Variants in CLASP1 observed in about 807,000 individuals in gnomAD.
The protein encoded by CLASP1 is cytoplasmic linker associated protein 1.
In CLASP1, 38 loss-of-function variants were observed where a neutral mutation model predicts 192.3. That is an observed-to-expected ratio of 0.20 (90% CI 0.15 to 0.26). The LOEUF (loss-of-function observed/expected upper bound fraction) is 0.26. Ranked by LOEUF, CLASP1 falls within the 10% of genes least tolerant of loss-of-function variation. CLASP1 has a pLI of 1.00. For synonymous variants in CLASP1, 691 were observed against 712.8 expected (o/e 0.97, Z 0.49); for missense variants, 1,433 against 1,932.5 (o/e 0.74, Z 4.85).
chr2:121,563,681 T>C (rs1451606208), intron 2 of CLASP1, among the ~76,000 whole-genome samples: 2 of 152,190 alleles, frequency 1.3e-5, no homozygotes, highest in Non-Finnish European at 2.9e-5. Context: ...TCTGGGGAAA[T>C]TAGCTTCTTT....
chr2:121,390,532 C>T (rs1163837389), intron 30 of CLASP1, among the ~76,000 whole-genome samples: 1 of 152,236 alleles, frequency 6.6e-6, no homozygotes, highest in Non-Finnish European at 1.5e-5. Context: ...TCACATCTCA[C>T]TGCTACCATT....
In CLASP1 at chr2:121,469,252, C is replaced by T. The variant is rs546612190; in HGVS notation, c.865+556G>A. ...ACTTCATGCTGCCACCCAACAGACACACCAACAGCTGCCACCTCACCATGG... is the reference window on the plus strand; with the variant it reads ...ACTTCATGCTGCCACCCAACAGACATACCAACAGCTGCCACCTCACCATGG... On this transcript the variant is annotated intron_variant, in intron 9 of 39. Coordinates refer to ENST00000263710, the Ensembl canonical transcript of CLASP1. Among the ~76,000 whole-genome samples the T allele has an allele frequency of 1.0e-3, 158 of 152,298 alleles. 4 individuals carry two copies. The South Asian group carries it at 0.03, about 29-fold the overall frequency.
At chr2:121,523,207 CT>C (rs2094496686) in intron 6 of CLASP1, among the ~76,000 whole-genome samples, 6 of 152,222 alleles carry the variant, frequency 3.9e-5, no homozygotes, top group Admixed American at 3.9e-4. Flanking sequence ...CATACTCTGC[CT>C]TTTGGCAACT....
At chr2:121,487,893 T>G (rs183580257) in intron 8 of CLASP1, among the ~76,000 whole-genome samples, 1 of 152,372 alleles carries the variant, frequency 6.6e-6, no homozygotes, top group Non-Finnish European at 1.5e-5. Flanking sequence ...TTTTATACTT[T>G]GGGTTAAAAC....
rs1336455060 is a variant in CLASP1, at chr2:121,541,853, GGCAC to G, written c.196-11532_196-11529del. Among the ~76,000 whole-genome samples, 3 of 152,278 alleles carry G rather than the reference GGCAC, an allele frequency of 2.0e-5. No homozygotes were observed. The East Asian group carries it at 5.8e-4, about 29-fold the overall frequency. On this transcript the variant is annotated intron_variant, in intron 2 of 39. Coordinates refer to ENST00000263710, the Ensembl canonical transcript of CLASP1. ...TTAACAAAATGCTCGGAATGTCACA[GGCAC>G]CCAGTAAGTACTATTTCCCTTCTTT... is the stretch of plus-strand genomic sequence containing the variant.
intron 39 of CLASP1, among the ~76,000 whole-genome samples, chr2:121,343,213 G>C (rs2063002911): frequency 6.6e-6 from 1 of 152,188 alleles, no homozygotes; most frequent in Admixed American, 6.5e-5. Flanking sequence ...AAATAAATTA[G>C]AAAAGTGAAA....
intron 34 of CLASP1, among the ~76,000 whole-genome samples, chr2:121,368,047 G>A (rs72967311): frequency 1.4e-3 from 218 of 152,166 alleles, no homozygotes; most frequent in African/African-American, 4.9e-3. Flanking sequence ...TAGTCTTTAC[G>A]CTTTAAATCT....
intron 2 of CLASP1, among the ~76,000 whole-genome samples, chr2:121,549,326 CA>C (rs1559584656): frequency 6.6e-6 from 1 of 151,992 alleles, no homozygotes; most frequent in African/African-American, 2.4e-5. Flanking sequence ...CAACAAAGAT[CA>C]AAAAAGACAA....
intron 1 of CLASP1, among the ~76,000 whole-genome samples, chr2:121,643,819 A>G (rs1391102533): frequency 6.6e-6 from 1 of 152,224 alleles, no homozygotes; most frequent in East Asian, 1.9e-4. Context: ...AGCTAATGAT[A>G]TCACGAATGT....
chr2:121,414,899 C>T (rs1265421316), intron 23 of CLASP1, among the ~76,000 whole-genome samples: 1 of 152,160 alleles, frequency 6.6e-6, no homozygotes, highest in East Asian at 1.9e-4. Flanking sequence ...ATCCGCCTGC[C>T]TCAGCCTCCC....
intron 37 of CLASP1, 72 bp downstream of exon 38, chr2:121,363,100 C>A: frequency 6.3e-7 from 1 of 1,582,700 alleles, no homozygotes; most frequent in South Asian, 1.1e-5. Flanking sequence ...GATTCTGATT[C>A]CTCTATCTCC....
intron 39 of CLASP1, among the ~76,000 whole-genome samples, chr2:121,342,724 T>C (rs2149086139): frequency 6.6e-6 from 1 of 152,244 alleles, no homozygotes; most frequent in African/African-American, 2.4e-5. Context: ...GAGAATCGTT[T>C]GAAACCAGTT....
chr2:121,386,055 T>C (rs1432684819), intron 32 of CLASP1, among the ~76,000 whole-genome samples: 1 of 152,178 alleles, frequency 6.6e-6, no homozygotes, highest in East Asian at 1.9e-4. Context: ...ATACTTTGTT[T>C]CACCAAGAGG....
chr2:121,417,216 A>G (rs10201182), intron 23 of CLASP1, among the ~76,000 whole-genome samples: 3,339 of 152,264 alleles, frequency 0.022, 128 homozygotes, highest in African/African-American at 0.076. Flanking sequence ...TTAGGATCTC[A>G]AGAATTCAGC....
intron 37 of CLASP1, among the ~76,000 whole-genome samples, chr2:121,350,056 A>G (rs547091561): frequency 6.6e-6 from 1 of 152,322 alleles, no homozygotes; most frequent in Non-Finnish European, 1.5e-5. Flanking sequence ...ATGACAGATA[A>G]AGACAGGCAC....
At chr2:121,530,409 A>G (rs2094742016) in intron 2 of CLASP1, 84 bp from the exon 3 acceptor site, 2 of 1,067,658 alleles carry the variant, frequency 1.9e-6, no homozygotes, top group South Asian at 2.9e-5. Context: ...AGGCCTAGAC[A>G]TTTCCGGCCC....
chr2:121,410,773 T>C, intron 24 of CLASP1, 93 bp downstream of exon 25: 1 of 658,584 alleles, frequency 1.5e-6, no homozygotes, highest in Non-Finnish European at 2.5e-6. Context: ...GATGAATTCA[T>C]AACCTGATTT....
At chr2:121,613,805 A>T (rs1219603280) in intron 1 of CLASP1, among the ~76,000 whole-genome samples, 2 of 152,212 alleles carry the variant, frequency 1.3e-5, no homozygotes, top group Non-Finnish European at 2.9e-5. Flanking sequence ...AATTAAAAGG[A>T]GGACCATTTA....
At chr2:121,530,723 G>A (rs958361234) in intron 2 of CLASP1, 5 of 515,586 alleles carry the variant, frequency 9.7e-6, no homozygotes, top group African/African-American at 3.8e-5. Context: ...GACCCTTCGG[G>A]AGCCTCAGAA....
Sources: gnomAD v4.1 joint callset for allele counts (sites outside exome capture counted in the v4.1 genomes callset) on GRCh38, gnomAD v4.1.1 for gene constraint, MANE v1.5 for transcripts, NCBI Gene and HGNC (gene_info 2026-07-23, HGNC 2026-07-21) for gene names.